The following TRPM5 variants were observed in gnomAD, a reference collection of about 807,000 sequenced individuals.
TRPM5 encodes the protein transient receptor potential cation channel subfamily M member 5, also known as MLSN1 and TRP-related.
TRPM5 carries 121 observed loss-of-function variants against 124.9 expected under a neutral mutation model. The observed-to-expected ratio is 0.97, with a 90% confidence interval of 0.84 to 1.13. The LOEUF (loss-of-function observed/expected upper bound fraction) is 1.13, where lower values mean the gene tolerates loss of function less well. TRPM5 is among the 50% of genes most tolerant of loss of function. The pLI is 0.00. For synonymous variants in TRPM5, 781 were observed against 700.5 expected (o/e 1.11, Z -1.81); for missense variants, 1,643 against 1,589.1 (o/e 1.03, Z -0.58).
chr11:2,428,241 C>G, the TRPM5 span, among the ~76,000 whole-genome samples: 12 of 152,330 alleles, frequency 7.9e-5, no homozygotes, highest in South Asian at 2.5e-3. This position sits in a 1 kb window ranked among gnomAD's most constrained non-coding sequence, Gnocchi z 4.0. Context: ...GGGGATACCT[C>G]TGTGTGCCCC....
intron 18 of TRPM5, among the ~76,000 whole-genome samples, chr11:2,410,339 A>G (rs10741612): frequency 0.74 from 112,009 of 152,098 alleles, 42,089 homozygotes; most frequent in East Asian, 0.96. Context: ...CCTGAGCGCC[A>G]CTCCACAGAG....
chr11:2,423,682 C>T (rs937525224), upstream of TRPM5, among the ~76,000 whole-genome samples: 2 of 152,224 alleles, frequency 1.3e-5, no homozygotes, highest in Non-Finnish European at 2.9e-5. Context: ...GGCGCTCCCA[C>T]ATCAGCAAGC....
chr11:2,429,723 ATAGT>A, the TRPM5 span, among the ~76,000 whole-genome samples: 2 of 151,650 alleles, frequency 1.3e-5, no homozygotes, highest in African/African-American at 2.4e-5. This position sits in a 1 kb window ranked among gnomAD's most constrained non-coding sequence, Gnocchi z 8.4. Flanking sequence ...GATGGCAGTG[ATAGT>A]TAGGATGATG....
chr11:2,414,010 C>CCCCCCCCCCCCCCCCCCCCCCCG, intron 12 of TRPM5, 51 bp downstream of exon 17: 1 of 420,366 alleles, frequency 2.4e-6, no homozygotes. Flanking sequence ...GCCCAGCTCG[C>CCCCCCCCCCCCCCCCCCCCCCCG]CCGCCCACCC....
At chr11:2,415,123 C>T (rs891341280) in exon 9 of TRPM5, 6 of 1,569,012 alleles carry the variant, frequency 3.8e-6, no homozygotes, top group South Asian at 1.2e-5. Context: ...CCGCTCACCG[C>T]CCTCCTGCGG....
chr11:2,428,384 A>C, the TRPM5 span, among the ~76,000 whole-genome samples: 1 of 152,248 alleles, frequency 6.6e-6, no homozygotes, highest in Non-Finnish European at 1.5e-5. The surrounding 1 kb of genome is among the most constrained non-coding windows in gnomAD (Gnocchi z 4.0). Flanking sequence ...GTCAGCCACC[A>C]GAGGGCGCTA....
chr11:2,413,308 T>C, intron 13 of TRPM5, 82 bp from the exon 19 acceptor site: 2 of 1,392,226 alleles, frequency 1.4e-6, no homozygotes, highest in Non-Finnish European at 1.9e-6. Context: ...GCCATCAAAG[T>C]GCCCACTGGG....
At chr11:2,417,268 G>A (rs1223312116) in intron 7 of TRPM5, among the ~76,000 whole-genome samples, 5 of 152,108 alleles carry the variant, frequency 3.3e-5, no homozygotes, top group South Asian at 2.1e-4. Context: ...TGGCTAACAC[G>A]GTGAAACCCC....
the TRPM5 span, among the ~76,000 whole-genome samples, chr11:2,429,715 T>G: frequency 6.6e-6 from 1 of 152,108 alleles, no homozygotes; most frequent in African/African-American, 2.4e-5. This position sits in a 1 kb window ranked among gnomAD's most constrained non-coding sequence, Gnocchi z 8.4. Context: ...GTGGTGGTGA[T>G]GGCAGTGATA....
At chr11:2,438,039 G>A in the TRPM5 span, among the ~76,000 whole-genome samples, 1 of 152,134 alleles carries the variant, frequency 6.6e-6, no homozygotes, top group Non-Finnish European at 1.5e-5. The surrounding 1 kb of genome is among the most constrained non-coding windows in gnomAD (Gnocchi z 5.9). Flanking sequence ...TTCAACATAT[G>A]CAAATCAATA....
At chr11:2,430,734 ATGGTGATGGTGTTGGTGG>A in the TRPM5 span, among the ~76,000 whole-genome samples, 8 of 77,158 alleles carry the variant, frequency 1.0e-4, no homozygotes, top group South Asian at 1.8e-3. Flanking sequence ...GGTGGCGGTG[ATGGTGATGGTGTTGGTGG>A]TGGTGGTTTT....
At chr11:2,409,390 C>T (rs545308231) in intron 18 of TRPM5, among the ~76,000 whole-genome samples, 96 of 152,258 alleles carry the variant, frequency 6.3e-4, no homozygotes, top group Non-Finnish European at 1.3e-3. Flanking sequence ...AATGAGACCC[C>T]CACACCCTCC....
intron 12 of TRPM5, 52 bp downstream of exon 17, chr11:2,414,009 G>GGGGGCC: frequency 1.2e-5 from 12 of 1,023,706 alleles, no homozygotes; most frequent in East Asian, 5.6e-5. Context: ...GGCCCAGCTC[G>GGGGGCC]CCCGCCCACC....
At chr11:2,420,148 C>T (rs576071823) in intron 4 of TRPM5, 74 bp downstream of exon 9, 19 of 1,504,592 alleles carry the variant, frequency 1.3e-5, no homozygotes, top group South Asian at 1.0e-4. Flanking sequence ...CGGTCACCCC[C>T]ACTCTCCCAC....
chr11:2,412,252 C>T, exon 16 of TRPM5: 1 of 1,612,178 alleles, frequency 6.2e-7, no homozygotes, highest in Non-Finnish European at 8.5e-7. Context: ...TGTGAAGAAG[C>T]CCTGGGAGGG....
At chr11:2,421,257 C>T (rs1845768997) in intron 2 of TRPM5, 59 bp from the exon 8 acceptor site, 18 of 1,505,436 alleles carry the variant, frequency 1.2e-5, no homozygotes, top group African/African-American at 2.8e-5. Context: ...CCTAGCTGGC[C>T]CCACGCCCTA....
chr11:2,426,297 C>G (rs1176363984), upstream of TRPM5, among the ~76,000 whole-genome samples: 1 of 152,136 alleles, frequency 6.6e-6, no homozygotes, highest in Non-Finnish European at 1.5e-5. Flanking sequence ...GGCTCGGTGC[C>G]CCCCGCCCCC....
At chr11:2,409,565 C>G (rs1190907163) in intron 18 of TRPM5, among the ~76,000 whole-genome samples, 1 of 152,196 alleles carries the variant, frequency 6.6e-6, no homozygotes, top group Non-Finnish European at 1.5e-5. Context: ...CTGAGGAGAC[C>G]TGCAGGCTGT....
exon 10 of TRPM5, chr11:2,415,037 G>T (rs781100696): frequency 6.2e-7 from 1 of 1,601,662 alleles, no homozygotes; most frequent in Non-Finnish European, 8.5e-7. Flanking sequence ...CCGCTTGGCC[G>T]GGCCCTTCTC....
Sources: gnomAD v4.1 joint callset for allele counts (sites outside exome capture counted in the v4.1 genomes callset) on GRCh38, gnomAD v4.1.1 for gene constraint, Gnocchi (gnomAD v3.1) non-coding constraint, MANE v1.5 for transcripts, NCBI Gene and HGNC (gene_info 2026-07-23, HGNC 2026-07-21) for gene names.